The following EXOC6B variants were observed in gnomAD, a reference collection of about 807,000 sequenced individuals.
EXOC6B encodes the protein exocyst complex component 6B, also known as SEC15 homolog B.
A neutral mutation model predicts 113.5 loss-of-function variants in EXOC6B; 54 were observed. That is an observed-to-expected ratio of 0.48 (90% CI 0.38 to 0.60). EXOC6B has a LOEUF of 0.60. EXOC6B is among the 20% of genes least tolerant of loss of function. EXOC6B has a pLI of 0.00. For missense variants in EXOC6B, 797 were observed against 977.5 expected, an observed-to-expected ratio of 0.82 and a Z score of 2.46; for synonymous variants, 357 against 339.0, an observed-to-expected ratio of 1.05 and a Z score of -0.58.
intron 19 of EXOC6B, among the ~76,000 whole-genome samples, chr2:72,369,553 A>C (rs1186416792): frequency 6.6e-6 from 1 of 152,174 alleles, no homozygotes; most frequent in Non-Finnish European, 1.5e-5. Flanking sequence ...CGCATTGCCA[A>C]GTCACTCCTA....
chr2:72,800,529 T>C lies in EXOC6B; in HGVS notation c.113+25269A>G, dbSNP rs186604018. Reference sequence around the variant, plus strand: ...TTGAAGTTAATTTAGTAATAATAACTATTAATAACAGGAAACATTTAATAA... The same window carrying C: ...TTGAAGTTAATTTAGTAATAATAACCATTAATAACAGGAAACATTTAATAA... On this transcript the variant is annotated intron_variant, in intron 1 of 21. Transcript: ENST00000272427. Among the ~76,000 whole-genome samples the C allele has an allele frequency of 3.4e-4, 52 of 152,320 alleles. No homozygotes were observed. In the East Asian group the frequency reaches 9.8e-3, roughly 29 times the overall value.
intron 6 of EXOC6B, among the ~76,000 whole-genome samples, chr2:72,671,779 G>GAAAGAAAGAAAGAAAGAA (rs1675850441): frequency 1.4e-4 from 14 of 103,488 alleles, no homozygotes; most frequent in African/African-American, 6.7e-4. Context: ...AAGAAAGAAA[G>GAAAGAAAGAAAGAAAGAA]AAAGAAAGAA....
intron 20 of EXOC6B, among the ~76,000 whole-genome samples, chr2:72,213,648 C>A (rs13423761): frequency 0.45 from 68,231 of 151,990 alleles, 20,500 homozygotes; most frequent in African/African-American, 0.86. Context: ...ATCTCCCCAA[C>A]ATCCTTATGA....
chr2:72,411,513 T>G (rs1694186070), intron 18 of EXOC6B, among the ~76,000 whole-genome samples: 1 of 152,148 alleles, frequency 6.6e-6, no homozygotes, highest in Non-Finnish European at 1.5e-5. Flanking sequence ...TATACTTTTA[T>G]TGAAAAGGGA....
At chr2:72,580,365 A>T (rs1367945103) in intron 6 of EXOC6B, among the ~76,000 whole-genome samples, 2 of 151,634 alleles carry the variant, frequency 1.3e-5, no homozygotes, top group Admixed American at 1.3e-4. Context: ...CTGGTCTCGA[A>T]CTCCTGACCT....
intron 5 of EXOC6B, among the ~76,000 whole-genome samples, chr2:72,725,643 C>T (rs1334479738): frequency 1.3e-5 from 2 of 152,154 alleles, no homozygotes; most frequent in Non-Finnish European, 2.9e-5. Context: ...CTGCCCACCT[C>T]GGCCTCCCAA....
intron 3 of EXOC6B, 36 bp downstream of exon 3, chr2:72,733,035 C>A: frequency 6.9e-7 from 1 of 1,458,620 alleles, no homozygotes; most frequent in Non-Finnish European, 9.5e-7. Flanking sequence ...TGGCATGAAA[C>A]AGAAAAGATT....
At chr2:72,637,640 A>C (rs1397973315) in intron 6 of EXOC6B, among the ~76,000 whole-genome samples, 2 of 152,110 alleles carry the variant, frequency 1.3e-5, no homozygotes, top group Non-Finnish European at 2.9e-5. Flanking sequence ...AATTACAAAA[A>C]TTAGCCAGGC....
At chr2:72,366,318 T>C (rs939910841) in intron 19 of EXOC6B, among the ~76,000 whole-genome samples, 1 of 146,644 alleles carries the variant, frequency 6.8e-6, no homozygotes, top group Non-Finnish European at 1.5e-5. Context: ...TACATTGAAA[T>C]AGATAAACAG....
intron 19 of EXOC6B, among the ~76,000 whole-genome samples, chr2:72,337,157 A>T (rs1321604412): frequency 6.6e-6 from 1 of 152,182 alleles, no homozygotes; most frequent in African/African-American, 2.4e-5. Flanking sequence ...AGTTAAATGT[A>T]CAATTTTCCT....
intron 1 of EXOC6B, among the ~76,000 whole-genome samples, chr2:72,768,594 T>C (rs936706698): frequency 5.4e-5 from 8 of 148,418 alleles, no homozygotes; most frequent in Non-Finnish European, 1.2e-4. Flanking sequence ...CGTGAGACAC[T>C]GTGCCCGGCC....
At chr2:72,641,137 C>T (rs909756784) in intron 6 of EXOC6B, among the ~76,000 whole-genome samples, 5 of 152,196 alleles carry the variant, frequency 3.3e-5, no homozygotes, top group South Asian at 2.1e-4. Context: ...TCTGCAGCTC[C>T]GAGCGTGATC....
At chr2:72,754,815 C>A (rs1437706177) in intron 1 of EXOC6B, among the ~76,000 whole-genome samples, 1 of 151,748 alleles carries the variant, frequency 6.6e-6, no homozygotes, top group Admixed American at 6.6e-5. Flanking sequence ...GATGGGGTCT[C>A]ACTATGTTGC....
At chr2:72,485,459 A>G (rs1156605526) in intron 16 of EXOC6B, among the ~76,000 whole-genome samples, 5 of 152,204 alleles carry the variant, frequency 3.3e-5, no homozygotes, top group African/African-American at 4.8e-5. Flanking sequence ...ATGAAATAGT[A>G]GCATTGGTTC....
In EXOC6B at chr2:72,746,736, A is replaced by G. The variant is rs576040050; in HGVS notation, c.114-5267T>C. 3.9e-5 allele frequency among the ~76,000 whole-genome samples: 6 copies of G among 152,178 alleles called. No homozygotes were observed. The East Asian group carries it at 1.2e-3, about 29-fold the overall frequency. ...ATCTTATAAATTAGACATTATTCCC[A>G]TTTTATAAATGAGAAACCTGTAACC... On this transcript the variant is annotated intron_variant, in intron 1 of 21. Coordinates refer to ENST00000272427, the MANE Select transcript of EXOC6B (RefSeq NM_015189.3).
chr2:72,472,009 T>G (rs991618177), intron 17 of EXOC6B, among the ~76,000 whole-genome samples: 4 of 152,228 alleles, frequency 2.6e-5, no homozygotes, highest in African/African-American at 7.2e-5. Context: ...ATTCTGTTGA[T>G]GTGAAGTTTC....
Position 72,575,694 on chromosome 2 carries a change from A to T in EXOC6B, c.670-26T>A, listed in dbSNP as rs1277798117. 6 of 1,520,408 alleles carry T rather than the reference A, an allele frequency of 3.9e-6. No homozygotes were observed. In the South Asian group the frequency reaches 8.0e-5, roughly 20 times the overall value. The allele number at this position is 1,520,408 out of a possible 1,614,324, so 94.2% of individuals were successfully genotyped here. A position where few individuals can be genotyped will look rare whatever the true frequency, so the allele number is the denominator to read the frequency against. On this transcript the variant is annotated intron_variant, in intron 6 of 21. Transcript: ENST00000272427. ...CTAGGATAGAGAAGAACACACACAA[A>T]CACACCAAAAAGGTGGGGTTAGGGA...
At chr2:72,716,270 T>C (rs1311940474) in intron 6 of EXOC6B, among the ~76,000 whole-genome samples, 1 of 152,196 alleles carries the variant, frequency 6.6e-6, no homozygotes, top group African/African-American at 2.4e-5. Context: ...TAAATCACCA[T>C]TGCAAAGAAA....
At chr2:72,514,910 T>C in intron 9 of EXOC6B, 133 bp downstream of exon 9, 1 of 826,400 alleles carries the variant, frequency 1.2e-6, no homozygotes, top group Non-Finnish European at 1.9e-6. Flanking sequence ...GCAAGTCACA[T>C]CCACCAAAAG....
Sources: allele counts gnomAD v4.1 joint callset (sites outside exome capture counted in the v4.1 genomes callset), GRCh38; gene constraint gnomAD v4.1.1; transcripts MANE v1.5; gene names NCBI Gene and HGNC (gene_info 2026-07-23, HGNC 2026-07-21).